The following PSMA1 variants were observed in gnomAD, a reference collection of about 807,000 sequenced individuals.
PSMA1 encodes proteasome 20S subunit alpha 1.
Under a neutral mutation model 38.4 loss-of-function variants are expected in PSMA1, and 3 were observed. The ratio of observed to expected loss-of-function variants is 0.08; its 90% CI spans 0.04 to 0.20. The LOEUF is 0.20. PSMA1 is among the 10% of genes least tolerant of loss of function. The probability of loss-of-function intolerance (pLI) is 1.00; values close to 1 mark genes in which losing one functional copy is unlikely to be tolerated. For missense variants in PSMA1, 227 were observed against 325.3 expected (o/e 0.70, Z 2.32); for synonymous variants, 101 against 107.1 (o/e 0.94, Z 0.35).
chr11:14,606,761 T>C (rs1852648439), intron 2 of PSMA1, among the ~76,000 whole-genome samples: 1 of 152,222 alleles, frequency 6.6e-6, no homozygotes, highest in South Asian at 2.1e-4. Context: ...TGTTTTCTGC[T>C]AGGTAAAAAG....
intron 1 of PSMA1, chr11:14,519,987 G>A (rs1851500336): frequency 4.1e-6 from 2 of 483,200 alleles, no homozygotes; most frequent in East Asian, 3.4e-5. Context: ...ACAGCACTAG[G>A]AGCTATTCTG....
chr11:14,599,452 T>G (rs1238927839), intron 2 of PSMA1, among the ~76,000 whole-genome samples: 1 of 152,232 alleles, frequency 6.6e-6, no homozygotes, highest in African/African-American at 2.4e-5. Context: ...TACTCTTTTT[T>G]CTCTAATCTT....
At chr11:14,584,044 G>C (rs1261407997) in intron 2 of PSMA1, among the ~76,000 whole-genome samples, 3 of 152,194 alleles carry the variant, frequency 2.0e-5, no homozygotes, top group Non-Finnish European at 4.4e-5. Context: ...CGTGGCTAAT[G>C]CCAGTCCATA....
chr11:14,507,445 C>T (rs1466658831), intron 9 of PSMA1: 2 of 453,652 alleles, frequency 4.4e-6, no homozygotes, highest in Non-Finnish European at 7.8e-6. Flanking sequence ...GGATTACAGG[C>T]ATGAGCCACC....
chr11:14,604,502 T>C (rs774191128), intron 2 of PSMA1, among the ~76,000 whole-genome samples: 13 of 152,174 alleles, frequency 8.5e-5, no homozygotes, highest in Non-Finnish European at 1.8e-4. Context: ...ATGCTAGAGG[T>C]CACATGAGAA....
chr11:14,616,806 T>G (rs532244858), intron 1 of PSMA1, among the ~76,000 whole-genome samples: 1 of 152,158 alleles, frequency 6.6e-6, no homozygotes, highest in South Asian at 2.1e-4. Flanking sequence ...CAAAGTCTCA[T>G]GGCTATTATT....
At position 14,592,180 on chromosome 11, in the gene PSMA1, C is replaced by T. The variant is rs180696929; in HGVS notation, c.21+18786G>A. Among the ~76,000 whole-genome samples, 53 of 152,154 alleles carry T rather than the reference C, an allele frequency of 3.5e-4. No individual in the cohort carries two copies. In the East Asian group the frequency reaches 8.9e-3, roughly 26 times the overall value. On this transcript the variant is annotated intron_variant, in intron 2 of 10. Coordinates refer to the PSMA1 transcript ENST00000418988. ...CATCAGAAGGAACAAACTCCAGACG[C>T]GCCACCTTAACAGCTGTAACACTCA...
intron 4 of PSMA1, 130 bp from the exon 5 acceptor site, chr11:14,514,621 G>T: frequency 1.4e-6 from 1 of 711,034 alleles, no homozygotes; most frequent in Non-Finnish European, 2.1e-6. Context: ...AAAACAGAAG[G>T]TAAGAAAGAC....
At chr11:14,516,943 A>AT (rs1388610678) in intron 4 of PSMA1, among the ~76,000 whole-genome samples, 1 of 152,162 alleles carries the variant, frequency 6.6e-6, no homozygotes, top group African/African-American at 2.4e-5. Flanking sequence ...AATAAATAAC[A>AT]TTTAAAAATA....
chr11:14,511,293 G>GA, intron 7 of PSMA1, among the ~76,000 whole-genome samples: 1 of 152,130 alleles, frequency 6.6e-6, no homozygotes, highest in East Asian at 1.9e-4. Context: ...TTGTAAAAAG[G>GA]AATCTCCAAC....
chr11:14,513,608 C>T lies in PSMA1; in HGVS notation c.506G>A (p.Arg169His), dbSNP rs771708834. ...AGACATATGTCTCTCCAAGTAAGTACGAGCTGATTGGGAACGGGCTCCAAT... is the reference window on the plus strand; with the variant it reads ...AGACATATGTCTCTCCAAGTAAGTATGAGCTGATTGGGAACGGGCTCCAAT... ...MSIGARSQSA[R>H]TYLERHMSEF... The change falls in exon 7 of 10, where the codon CGT (arginine) becomes CAT (histidine). Residue 169 changes from arginine (R) to histidine (H), a missense_variant. Physicochemically the swap from Arg to His is conservative, Grantham distance 29. Transcript: ENST00000396394. The T allele has an allele frequency of 6.3e-6, 10 of 1,580,950 alleles. No homozygotes were observed. The highest frequency in any genetic ancestry group is 8.5e-6 in the Non-Finnish European group (10 of 1,169,882).
At chr11:14,604,892 T>C (rs1376960060) in intron 2 of PSMA1, among the ~76,000 whole-genome samples, 4 of 152,244 alleles carry the variant, frequency 2.6e-5, no homozygotes, top group African/African-American at 9.6e-5. Context: ...TTCATCCTTT[T>C]ATGGCTGTGT....
intron 1 of PSMA1, among the ~76,000 whole-genome samples, chr11:14,618,331 T>C (rs1421127401): frequency 6.6e-6 from 1 of 152,220 alleles, no homozygotes; most frequent in African/African-American, 2.4e-5. Context: ...CTAACATCTG[T>C]TTGAACCACA....
In PSMA1 at chr11:14,505,196, T is replaced by A; in HGVS notation, c.788A>T (p.His263Leu). The A allele has an allele frequency of 1.2e-6, 2 of 1,613,132 alleles. No individual in the cohort carries two copies. Among genetic ancestry groups the A allele is most frequent in the Non-Finnish European group, 1.7e-6 (2 of 1,179,126 alleles). The change falls in exon 10 of 10, where the codon CAT (histidine) becomes CTT (leucine). Residue 263 changes from histidine to leucine, a missense_variant. By Grantham distance (99) the His-to-Leu change is moderately conservative. Transcript: ENST00000396394. ...ATATATAGACTGGCTTATCACTTAA[T>A]GTTCCATTGGTTCATCAGCCTTTTC... ...PAEKADEPME[H>L] is the part of the protein sequence containing the mutation.
chr11:14,599,558 G>A (rs933797640), intron 2 of PSMA1, among the ~76,000 whole-genome samples: 24 of 152,098 alleles, frequency 1.6e-4, no homozygotes, highest in East Asian at 3.9e-4. Context: ...CATGCATCAC[G>A]AAGTTCTCGT....
rs139941148 is a variant in PSMA1, at chr11:14,627,980, G to T, written c.-166+15475C>A. Among the ~76,000 whole-genome samples, 477 of 152,206 alleles carry T rather than the reference G, an allele frequency of 3.1e-3. 2 individuals are homozygous for T. The highest frequency in any genetic ancestry group is 0.014 in the Admixed American group (213 of 15,280). On this transcript the variant is annotated intron_variant, in intron 1 of 10. Transcript: ENST00000418988. Reference sequence around the variant, plus strand: ...CTGGTACTGGTCCATGGCCTGTTAGGAACCAGGCTGCACAACAGGAGGTGA... The same window carrying T: ...CTGGTACTGGTCCATGGCCTGTTAGTAACCAGGCTGCACAACAGGAGGTGA...
chr11:14,537,545 G>GT (rs1589986507), intron 2 of PSMA1, among the ~76,000 whole-genome samples: 1 of 150,292 alleles, frequency 6.7e-6, no homozygotes, highest in East Asian at 1.9e-4. Flanking sequence ...TTCCCTGCAG[G>GT]GTTTTTTTTT....
chr11:14,517,430 GAAA>G (rs1460615634), intron 4 of PSMA1, among the ~76,000 whole-genome samples: 2 of 152,120 alleles, frequency 1.3e-5, no homozygotes, highest in Non-Finnish European at 2.9e-5. Context: ...AGTGACTTCT[GAAA>G]AGTGCTAATG....
chr11:14,506,043 T>C (rs534519301), intron 9 of PSMA1, among the ~76,000 whole-genome samples: 71 of 152,260 alleles, frequency 4.7e-4, no homozygotes, highest in African/African-American at 1.7e-3. Flanking sequence ...AGTCTATTTA[T>C]GTGTTAATTG....
Sources: gnomAD v4.1 joint callset for allele counts (sites outside exome capture counted in the v4.1 genomes callset) on GRCh38, gnomAD v4.1.1 for gene constraint, MANE v1.5 for transcripts, NCBI Gene and HGNC (gene_info 2026-07-23, HGNC 2026-07-21) for gene names.